Variants in TRPV6 observed in about 807,000 individuals in gnomAD.
TRPV6 encodes transient receptor potential cation channel subfamily V member 6, also known as Alu-binding protein with zinc finger domain.
A neutral mutation model predicts 79.0 loss-of-function variants in TRPV6; 39 were observed. The observed-to-expected ratio is 0.49, with a 90% CI of 0.38 to 0.64. The LOEUF is 0.64. TRPV6 is among the 30% of genes least tolerant of loss of function. TRPV6 has a pLI of 0.00. For synonymous variants in TRPV6, 373 were observed against 391.9 expected (o/e 0.95, Z 0.57); for missense variants, 813 against 1,011.1 (o/e 0.80, Z 2.66).
Position 142,876,194 on chromosome 7 carries a change from A to G in TRPV6, c.882+214T>C. On this transcript the variant is annotated intron_variant, in intron 6 of 14. Transcript: ENST00000359396. ...CTGGGGCATTACAGACAATCCTAGC[A>G]TGGGATCTAGACTCTGTAACCCCCA... 3.8e-6 allele frequency: 3 copies of G among 779,604 alleles called. No homozygotes were observed. In the South Asian group the frequency reaches 6.0e-5, roughly 16 times the overall value. 48.3% of individuals were successfully genotyped at this position (779,604 alleles called of 1,614,324 possible).
At position 142,871,741 on chromosome 7, in the gene TRPV6, A is replaced by G. The variant is rs1208084930; in HGVS notation, c.2264T>C (p.Leu755Pro). 4 of 1,611,706 alleles carry G rather than the reference A, an allele frequency of 2.5e-6. No individual in the cohort carries two copies. Among genetic ancestry groups the G allele is most frequent in the South Asian group, 1.1e-5 (1 of 90,970 alleles). The change falls in exon 15 of 15, where the codon CTG becomes CCG. Residue 755 changes from leucine to proline, a missense_variant. Leu to Pro is a moderately conservative substitution (Grantham distance 98). Around this residue, in one of 3 missense-constraint regions of TRPV6, gnomAD observed 164 missense variants for 186.1 expected, o/e 0.88. Coordinates refer to ENST00000359396, the MANE Select transcript of TRPV6 (RefSeq NM_018646.6). ...ATATTCCCAGCTCTCCCCGTCCTCC[A>G]GACCCCTGTTGATTATCCCACGCAG...
chr7:142,876,107 G>A, intron 6 of TRPV6: 1 of 687,038 alleles, frequency 1.5e-6, no homozygotes, highest in East Asian at 2.7e-5. Context: ...TCCCTCCAGA[G>A]TTTGGAAAGG....
chr7:142,875,579 C>A lies in TRPV6; in HGVS notation c.1131G>T (p.Leu377=). Residue 377 remains leucine, a synonymous_variant, in exon 8 of 15, where the codon CTG becomes CTT. Transcript: ENST00000359396. ...ACATGGTGAAGCAGATGATGTACAGCAGATATATGGCACCCAGCATGCAGA... is the reference window on the plus strand; with the variant it reads ...ACATGGTGAAGCAGATGATGTACAGAAGATATATGGCACCCAGCATGCAGA... The A allele has an allele frequency of 6.2e-7, 1 of 1,613,592 alleles. No individual in the cohort carries two copies. Among genetic ancestry groups the A allele is most frequent in the Non-Finnish European group, 8.5e-7 (1 of 1,179,986 alleles).
At chr7:142,876,094 G>A in intron 6 of TRPV6, 190 bp from the exon 7 acceptor site, 1 of 692,952 alleles carries the variant, frequency 1.4e-6, no homozygotes, top group Non-Finnish European at 2.3e-6. Flanking sequence ...CCTCTCCCAT[G>A]ACTCCCTCCA....
chr7:142,874,724 T>C (rs1795018186), intron 10 of TRPV6, 68 bp from the exon 11 acceptor site: 2 of 1,579,238 alleles, frequency 1.3e-6, no homozygotes, highest in East Asian at 2.3e-5. Context: ...ACAGCAAGAA[T>C]GTAGCTGGGA....
chr7:142,884,342 A>G (rs1232073702), intron 1 of TRPV6: 1 of 152,396 alleles, frequency 6.6e-6, no homozygotes, highest in Non-Finnish European at 1.5e-5. Flanking sequence ...CGGTCAGGCT[A>G]AAGCAGGCTC....
At chr7:142,885,158 A>T in intron 1 of TRPV6, 1 of 392,680 alleles carries the variant, frequency 2.5e-6, no homozygotes, top group Non-Finnish European at 4.5e-6. Flanking sequence ...TGCAGAATCG[A>T]ATTAGATCTT....
chr7:142,875,860 C>G lies in TRPV6; in HGVS notation c.927G>C (p.Thr309=), dbSNP rs79832568. ...AGAGAGTCGAGGTCAGTGGTCCATA[C>G]GTCCACTGGGTGTGCTTCCGCTTCT... Residue 309 remains threonine, a synonymous_variant, in exon 7 of 15, where the codon ACG becomes ACC. Coordinates refer to ENST00000359396, the MANE Select transcript of TRPV6 (RefSeq NM_018646.6). The G allele has an allele frequency of 8.1e-6, 13 of 1,606,956 alleles. No homozygotes were observed. Among genetic ancestry groups the G allele is most frequent in the Non-Finnish European group, 1.0e-5 (12 of 1,176,810 alleles).
rs1016618205 is a variant in TRPV6 at position 142,875,467 on chromosome 7, C to T, written c.1242+1G>A. ...CTGATCTGCTCCTACAAGGGTGTCACCTGAAGTAGCTTCTGCTGTAAGAGG... is the reference window on the plus strand; with the variant it reads ...CTGATCTGCTCCTACAAGGGTGTCATCTGAAGTAGCTTCTGCTGTAAGAGG... On this transcript the variant is annotated splice_donor_variant, in intron 8 of 14. Transcript: ENST00000359396. LOFTEE classifies it high-confidence loss of function. 1 of 1,567,350 alleles carries T rather than the reference C, an allele frequency of 6.4e-7. No homozygotes were observed. The highest frequency in any genetic ancestry group is 1.3e-5 in the African/African-American group (1 of 74,248).
At chr7:142,872,514 G>A (rs1335803413) in intron 13 of TRPV6, 36 bp from the exon 14 acceptor site, 1 of 1,589,060 alleles carries the variant, frequency 6.3e-7, no homozygotes, top group Admixed American at 1.8e-5. Flanking sequence ...TCAGAGATGA[G>A]GCTGGGCGCA....
chr7:142,876,858 A>G (rs372888723), intron 4 of TRPV6, 21 bp from the exon 5 acceptor site: 236 of 1,613,564 alleles, frequency 1.5e-4, no homozygotes, highest in Non-Finnish European at 1.9e-4. Context: ...AGAGAGATCT[A>G]TGGTAGGAGA....
intron 13 of TRPV6, among the ~76,000 whole-genome samples, chr7:142,872,923 T>C (rs1275833595): frequency 1.3e-5 from 2 of 152,228 alleles, no homozygotes; most frequent in Non-Finnish European, 2.9e-5. Context: ...TTTGCTGAAA[T>C]GATTTTTTTA....
In TRPV6 at chr7:142,876,498, T is replaced by C. The variant is rs1290270326; in HGVS notation, c.792A>G (p.Arg264=). Residue 264 remains arginine, a synonymous_variant, in exon 6 of 15, where the codon AGA becomes AGG. Transcript: ENST00000359396. Reference sequence around the variant, plus strand: ...CCAGGGGCTGCAGGTGGTCCCCATGTCTGTCGTAGGACAGCAACAGGTTGT... The same window carrying C: ...CCAGGGGCTGCAGGTGGTCCCCATGCCTGTCGTAGGACAGCAACAGGTTGT... 1 of 1,614,048 alleles carries C rather than the reference T, an allele frequency of 6.2e-7. No homozygotes were observed. Among genetic ancestry groups the C allele is most frequent in the Non-Finnish European group, 8.5e-7 (1 of 1,180,030 alleles).
intron 1 of TRPV6, chr7:142,879,620 C>T (rs1284143292): frequency 6.6e-6 from 1 of 152,212 alleles, no homozygotes. Flanking sequence ...CATCAGCTCA[C>T]TCATCTCCTC....
In TRPV6 at chr7:142,873,557, G is replaced by A. The variant is rs1204568429; in HGVS notation, c.1799C>T (p.Ala600Val). ...CAGTGTGGCGATGATGGCAAAGGCAGCATAGGTGATGCTGTACATGAAGGG... is the reference window on the plus strand; with the variant it reads ...CAGTGTGGCGATGATGGCAAAGGCAACATAGGTGATGCTGTACATGAAGGG... The change falls in exon 13 of 15, where the codon GCT becomes GTT. Residue 600 changes from alanine to valine, a missense_variant. Around this residue, in one of 3 missense-constraint regions of TRPV6, gnomAD observed 94 missense variants for 194.0 expected, o/e 0.48. Coordinates refer to ENST00000359396, the MANE Select transcript of TRPV6 (RefSeq NM_018646.6). The surrounding 1 kb of genome is among the most constrained non-coding windows in gnomAD (Gnocchi z 4.8). 6.2e-7 allele frequency: 1 copy of A among 1,614,248 alleles called. No homozygotes were observed. Among genetic ancestry groups the A allele is most frequent in the South Asian group, 1.1e-5 (1 of 91,090 alleles).
At chr7:142,882,520 T>G (rs1795213951) in intron 1 of TRPV6, 1 of 152,132 alleles carries the variant, frequency 6.6e-6, no homozygotes, top group Non-Finnish European at 1.5e-5. Context: ...GCCTGAGCAG[T>G]GACCACAGAT....
At chr7:142,878,080 A>G in intron 1 of TRPV6, 54 bp from the exon 2 acceptor site, 2 of 1,478,520 alleles carry the variant, frequency 1.4e-6, no homozygotes, top group East Asian at 4.5e-5. Flanking sequence ...CTAGTTGTGG[A>G]GGGAGAGGCC....
At chr7:142,876,869 G>A (rs370101510) in intron 4 of TRPV6, 32 bp from the exon 5 acceptor site, 3 of 1,612,236 alleles carry the variant, frequency 1.9e-6, no homozygotes, top group Non-Finnish European at 2.5e-6. Context: ...TGGTAGGAGA[G>A]TGCAGGATGG....
At position 142,875,107 on chromosome 7, in the gene TRPV6, T is replaced by A; in HGVS notation, c.1300A>T (p.Ile434Phe). The change falls in exon 9 of 15, where the codon ATT becomes TTT. Residue 434 changes from isoleucine to phenylalanine, a missense_variant. Ile to Phe is a conservative substitution (Grantham distance 21). Coordinates refer to ENST00000359396, the MANE Select transcript of TRPV6 (RefSeq NM_018646.6). ...ACCAGCAGGATGATGATAGCCCCAA[T>A]GACAGTCACCAGCTCCCCGACCAGC... 6.2e-7 allele frequency: 1 copy of A among 1,614,056 alleles called. No individual in the cohort carries two copies. Among genetic ancestry groups the A allele is most frequent in the Non-Finnish European group, 8.5e-7 (1 of 1,179,996 alleles).
Sources: allele counts gnomAD v4.1 joint callset (sites outside exome capture counted in the v4.1 genomes callset), GRCh38; gene constraint gnomAD v4.1.1; regional missense constraint gnomAD v4.1.1; non-coding constraint Gnocchi (gnomAD v3.1); transcripts MANE v1.5; gene names NCBI Gene and HGNC (gene_info 2026-07-23, HGNC 2026-07-21).